Variants in TBXAS1 observed in about 807,000 individuals in gnomAD.
TBXAS1 encodes thromboxane-A synthase.
A neutral mutation model predicts 60.7 loss-of-function variants in TBXAS1; 48 were observed. That is an observed-to-expected ratio of 0.79 (90% CI 0.63 to 1.01). The LOEUF is 1.01. Ranked by LOEUF, TBXAS1 falls within the 50% of genes least tolerant of loss-of-function variation. The probability of loss-of-function intolerance (pLI) is 0.00; values close to 1 mark genes in which losing one functional copy is unlikely to be tolerated. For missense variants in TBXAS1, 685 were observed against 686.3 expected, an observed-to-expected ratio of 1.00 and a Z score of 0.02; for synonymous variants, 287 against 269.7, an observed-to-expected ratio of 1.06 and a Z score of -0.63.
chr7:140,015,003 G>A (rs1170279909), intron 10 of TBXAS1, among the ~76,000 whole-genome samples: 8 of 152,048 alleles, frequency 5.3e-5, no homozygotes, highest in African/African-American at 9.7e-5. Flanking sequence ...CTGGGTAAAC[G>A]ATACATGGGT....
chr7:139,884,708 C>T (rs779907314), intron 3 of TBXAS1, among the ~76,000 whole-genome samples: 30 of 152,166 alleles, frequency 2.0e-4, no homozygotes, highest in Non-Finnish European at 3.4e-4. Context: ...AGTAGTCAGG[C>T]GTCCAGTAAA....
At chr7:139,840,912 G>A (rs528453181) in intron 1 of TBXAS1, among the ~76,000 whole-genome samples, 19 of 152,348 alleles carry the variant, frequency 1.2e-4, no homozygotes, top group African/African-American at 4.1e-4. Flanking sequence ...GGCATGAGCA[G>A]CTGGTACAGA....
intron 1 of TBXAS1, among the ~76,000 whole-genome samples, chr7:139,854,897 A>G (rs1428153207): frequency 2.6e-5 from 4 of 152,148 alleles, no homozygotes; most frequent in Non-Finnish European, 5.9e-5. Context: ...TTTTTGTATG[A>G]TATCTACTCT....
At chr7:139,810,379 A>G (rs1018985526) in intron 4 of TBXAS1, among the ~76,000 whole-genome samples, 1 of 152,204 alleles carries the variant, frequency 6.6e-6, no homozygotes, top group African/African-American at 2.4e-5. Context: ...TGTGACTGCC[A>G]GGAAATCAGA....
In TBXAS1 at chr7:139,991,650, G is replaced by T. The variant is rs186154093; in HGVS notation, c.1135-15441G>T. Among the ~76,000 whole-genome samples the T allele has an allele frequency of 3.3e-5, 5 of 152,314 alleles. No individual in the cohort carries two copies. The South Asian group carries it at 8.3e-4, about 25-fold the overall frequency. ...TCAATCAATAAAATAAAAGCATAAA[G>T]ACATAGAAACACATAAACAGAGAAT... is the stretch of plus-strand genomic sequence containing the variant. On this transcript the variant is annotated intron_variant, in intron 9 of 12. Coordinates refer to ENST00000448866, the MANE Select transcript of TBXAS1 (RefSeq NM_001061.7).
rs961288064 is a variant in TBXAS1 at position 139,999,602 on chromosome 7, C to T, written c.1135-7489C>T. On this transcript the variant is annotated intron_variant, in intron 9 of 12. Transcript: ENST00000448866. This position sits in a 1 kb window ranked among gnomAD's most constrained non-coding sequence, Gnocchi z 4.3. ...GGCAAAGCGAAGGTCACCCCATTTT[C>T]CACGGCTTGGTTTCATATTATAGTC... 4.6e-5 allele frequency among the ~76,000 whole-genome samples: 7 copies of T among 152,208 alleles called. No individual in the cohort carries two copies. Among genetic ancestry groups the T allele is most frequent in the African/African-American group, 1.7e-4 (7 of 41,452 alleles).
intron 9 of TBXAS1, among the ~76,000 whole-genome samples, 174 bp from the exon 10 acceptor site, chr7:140,006,917 A>C (rs2116385635): frequency 6.6e-6 from 1 of 152,300 alleles, no homozygotes; most frequent in Admixed American, 6.5e-5. Context: ...AGCACAATAG[A>C]ACCACTGAGC....
At chr7:140,000,025 GGT>G (rs1405420608) in intron 9 of TBXAS1, among the ~76,000 whole-genome samples, 27 of 152,030 alleles carry the variant, frequency 1.8e-4, no homozygotes, top group Non-Finnish European at 2.8e-4. Flanking sequence ...CGTATGTGTA[GGT>G]GTGTGACTGT....
chr7:139,932,383 G>A (rs1807406158), intron 4 of TBXAS1, among the ~76,000 whole-genome samples: 1 of 152,022 alleles, frequency 6.6e-6, no homozygotes, highest in Non-Finnish European at 1.5e-5. Context: ...TCTAAGAAGT[G>A]GAACAGTCTC....
chr7:139,939,536 C>A (rs1360224272), intron 5 of TBXAS1, among the ~76,000 whole-genome samples: 1 of 151,920 alleles, frequency 6.6e-6, no homozygotes, highest in Non-Finnish European at 1.5e-5. Context: ...AGGATTCCAT[C>A]CCAGAGGCAG....
Position 139,953,392 on chromosome 7 carries a change from T to C in TBXAS1, c.475T>C (p.Cys159Arg), listed in dbSNP as rs150999114. The C allele has an allele frequency of 2.5e-5, 41 of 1,614,070 alleles. No homozygotes were observed. The highest frequency in any genetic ancestry group is 3.4e-5 in the Non-Finnish European group (40 of 1,180,006). ...NEMVPLISQA[C>R]DLLLAHLKRY... is the part of the protein sequence containing the mutation. ...GATGGTTCCCCTCATCAGCCAAGCCTGCGACCTTCTCCTGGCTCATTTAAA... is the reference window on the plus strand; with the variant it reads ...GATGGTTCCCCTCATCAGCCAAGCCCGCGACCTTCTCCTGGCTCATTTAAA... The change falls in exon 6 of 13, where the codon TGC becomes CGC. Residue 159 changes from cysteine to arginine, a missense_variant. Physicochemically the swap from Cys to Arg is radical, Grantham distance 180. Coordinates refer to ENST00000448866, the MANE Select transcript of TBXAS1 (RefSeq NM_001061.7).
intron 1 of TBXAS1, among the ~76,000 whole-genome samples, chr7:139,860,891 C>T (rs1332464312): frequency 1.3e-5 from 2 of 152,158 alleles, no homozygotes; most frequent in Admixed American, 6.5e-5. Flanking sequence ...TATTCCTTCG[C>T]AGCCGGGGGC....
chr7:139,882,171 G>A (rs1362156091), intron 3 of TBXAS1, among the ~76,000 whole-genome samples: 1 of 152,224 alleles, frequency 6.6e-6, no homozygotes, highest in Admixed American at 6.5e-5. Flanking sequence ...AGATGGCTAT[G>A]TGAGACTTCC....
intron 8 of TBXAS1, among the ~76,000 whole-genome samples, chr7:139,959,272 C>T (rs1028350963): frequency 3.3e-5 from 5 of 152,206 alleles, no homozygotes; most frequent in Non-Finnish European, 2.9e-5. Flanking sequence ...ACTAAGAAAA[C>T]TTGCTTTAAA....
intron 1 of TBXAS1, among the ~76,000 whole-genome samples, chr7:139,835,106 G>A (rs181750199): frequency 0.097 from 13,940 of 143,412 alleles, 760 homozygotes; most frequent in Non-Finnish European, 0.13. Flanking sequence ...TTGCTCTGTC[G>A]CCCAGGCTGG....
chr7:140,019,197 A>T (rs929356880), intron 12 of TBXAS1, among the ~76,000 whole-genome samples: 6 of 152,176 alleles, frequency 3.9e-5, no homozygotes, highest in African/African-American at 1.4e-4. Flanking sequence ...TGGATGGGGG[A>T]CATAGAGTCT....
At chr7:139,961,208 G>GA (rs1350467016) in intron 8 of TBXAS1, among the ~76,000 whole-genome samples, 1 of 152,206 alleles carries the variant, frequency 6.6e-6, no homozygotes, top group Non-Finnish European at 1.5e-5. Flanking sequence ...GCAAAGCCTG[G>GA]AGACTTTGAA....
Position 140,020,154 on chromosome 7 carries a change from AGT to A in TBXAS1, c.*59_*60del. 6.4e-7 allele frequency: 1 copy of A among 1,570,834 alleles called. No individual in the cohort carries two copies. The highest frequency in any genetic ancestry group is 8.8e-7 in the Non-Finnish European group (1 of 1,141,206). On this transcript the variant is annotated 3_prime_UTR_variant, in exon 13 of 13. Transcript: ENST00000448866. ...ACCCCCAAATTCAAAGAAAACCCTAAGTGTGGATGTTCAGAATTTTGGAAAAA... is the reference window on the plus strand; with the variant it reads ...ACCCCCAAATTCAAAGAAAACCCTAAGTGGATGTTCAGAATTTTGGAAAAA...
intron 1 of TBXAS1, among the ~76,000 whole-genome samples, chr7:139,860,645 T>C (rs1800896478): frequency 6.6e-6 from 1 of 152,100 alleles, no homozygotes; most frequent in African/African-American, 2.4e-5. Flanking sequence ...GAAGCAGAAC[T>C]GGAAGGTTAT....
Sources: allele counts gnomAD v4.1 joint callset (sites outside exome capture counted in the v4.1 genomes callset), GRCh38; gene constraint gnomAD v4.1.1; non-coding constraint Gnocchi (gnomAD v3.1); transcripts MANE v1.5; gene names NCBI Gene and HGNC (gene_info 2026-07-23, HGNC 2026-07-21).